VPS13B: variants seen among roughly 807,000 people sequenced by gnomAD.
VPS13B encodes the protein vacuolar protein sorting 13 homolog B.
A neutral mutation model predicts 426.4 loss-of-function variants in VPS13B; 285 were observed. The observed-to-expected ratio is 0.67, with a 90% confidence interval of 0.61 to 0.74. The LOEUF is 0.74. VPS13B is among the 30% of genes least tolerant of loss of function. The pLI is 0.00. For missense variants in VPS13B, 4,537 were observed against 4,782.6 expected (o/e 0.95, Z 1.51); for synonymous variants, 1,676 against 1,676.4 (o/e 1.00, Z 0.01).
At chr8:99,829,786 G>C (rs1170122590) in intron 51 of VPS13B, among the ~76,000 whole-genome samples, 4 of 152,176 alleles carry the variant, frequency 2.6e-5, no homozygotes, top group African/African-American at 9.7e-5. Flanking sequence ...TTTTTGCGTA[G>C]TTGTCCTTTT....
chr8:99,560,410 T>C (rs1307533867), intron 31 of VPS13B, among the ~76,000 whole-genome samples: 1 of 152,166 alleles, frequency 6.6e-6, no homozygotes, highest in African/African-American at 2.4e-5. Context: ...CATTTGTGTG[T>C]GCTCCTATCA....
intron 19 of VPS13B, among the ~76,000 whole-genome samples, chr8:99,339,263 TATAAAGA>T (rs1405591983): frequency 1.2e-3 from 190 of 152,218 alleles, no homozygotes; most frequent in African/African-American, 4.4e-3. Context: ...CTGGGTAACT[TATAAAGA>T]ATAGAGGTTT....
In VPS13B at chr8:99,766,859, G is replaced by T. The variant is rs1373068816; in HGVS notation, c.7136G>T (p.Cys2379Phe). ...TTTAATCTGTCTGAAAGCAAAGTTTGTGAACTGCAGTTGCCGGATATCAAT... is the reference window on the plus strand; with the variant it reads ...TTTAATCTGTCTGAAAGCAAAGTTTTTGAACTGCAGTTGCCGGATATCAAT... ...REFNLSESKV[C>F]ELQLPDINLV... The change falls in exon 40 of 62, where the codon TGT becomes TTT. Residue 2379 changes from cysteine (C) to phenylalanine (F), a missense_variant. By Grantham distance (205) the Cys-to-Phe change is radical. Transcript: ENST00000357162. The T allele has an allele frequency of 3.7e-6, 6 of 1,614,004 alleles. No individual in the cohort carries two copies. The highest frequency in any genetic ancestry group is 5.1e-6 in the Non-Finnish European group (6 of 1,179,954).
intron 29 of VPS13B, among the ~76,000 whole-genome samples, chr8:99,512,034 A>T (rs1324008343): frequency 6.6e-6 from 1 of 152,238 alleles, no homozygotes; most frequent in Non-Finnish European, 1.5e-5. Context: ...TTCTTAGCAT[A>T]TCATTTTTGT....
intron 17 of VPS13B, among the ~76,000 whole-genome samples, chr8:99,220,856 T>C (rs1226156103): frequency 8.1e-6 from 1 of 123,758 alleles, no homozygotes; most frequent in Non-Finnish European, 1.7e-5. Flanking sequence ...GTTACATATG[T>C]ATACATGTGC....
chr8:99,429,295 A>G (rs556476595), intron 21 of VPS13B, among the ~76,000 whole-genome samples: 2 of 152,262 alleles, frequency 1.3e-5, no homozygotes, highest in East Asian at 1.9e-4. Context: ...AAAAAAAAAA[A>G]AAAGAAAAAG....
chr8:99,478,447 G>GTTTTGTTTTTTTTTTTTTTTTTT (rs1819822769), intron 24 of VPS13B, among the ~76,000 whole-genome samples: 2 of 85,778 alleles, frequency 2.3e-5, no homozygotes, highest in Non-Finnish European at 4.2e-5. Flanking sequence ...TTTTTGTTTT[G>GTTTTGTTTTTTTTTTTTTTTTTT]TTTTTTTTTT....
chr8:99,078,691 G>T (rs1188960419), intron 3 of VPS13B, among the ~76,000 whole-genome samples: 2 of 152,104 alleles, frequency 1.3e-5, no homozygotes, highest in Non-Finnish European at 2.9e-5. Flanking sequence ...TGGTGAGTCT[G>T]GTGGGTCCTC....
In VPS13B at chr8:99,167,715, A is replaced by G. The variant is rs558319068; in HGVS notation, c.2209-2324A>G. Among the ~76,000 whole-genome samples the G allele has an allele frequency of 2.6e-5, 4 of 152,194 alleles. No homozygotes were observed. The South Asian group carries it at 8.3e-4, about 32-fold the overall frequency. On this transcript the variant is annotated intron_variant, in intron 15 of 61. Coordinates refer to ENST00000357162, the MANE Select transcript of VPS13B (RefSeq NM_152564.5). ...GATGTATTCATTTTTGTTATTTACT[A>G]ATTGGGATTTTTAAAAACAGGTGGC... is the stretch of plus-strand genomic sequence containing the variant.
At chr8:99,594,227 G>A (rs1826873107) in intron 33 of VPS13B, among the ~76,000 whole-genome samples, 2 of 151,932 alleles carry the variant, frequency 1.3e-5, no homozygotes, top group African/African-American at 4.8e-5. Context: ...TCAAGAACTT[G>A]AGCTTTGTTG....
intron 30 of VPS13B, among the ~76,000 whole-genome samples, chr8:99,525,611 G>A (rs1822601721): frequency 1.3e-5 from 2 of 152,122 alleles, no homozygotes; most frequent in South Asian, 4.1e-4. Flanking sequence ...TTATTTTGAG[G>A]GAGGCTACTG....
chr8:99,273,013 C>T (rs1300320734), intron 17 of VPS13B, among the ~76,000 whole-genome samples: 2 of 152,078 alleles, frequency 1.3e-5, no homozygotes, highest in Non-Finnish European at 2.9e-5. Context: ...GTATATAATA[C>T]AAATATTCCA....
chr8:99,324,012 G>A (rs1810115611), intron 19 of VPS13B, among the ~76,000 whole-genome samples: 1 of 152,148 alleles, frequency 6.6e-6, no homozygotes, highest in Admixed American at 6.6e-5. Context: ...AGTAATGAAT[G>A]CAGGCTGAGT....
intron 33 of VPS13B, among the ~76,000 whole-genome samples, chr8:99,633,528 A>G (rs1828935700): frequency 6.6e-6 from 1 of 151,996 alleles, no homozygotes. Context: ...TCTATGAAAA[A>G]CAGACTCCAA....
intron 19 of VPS13B, among the ~76,000 whole-genome samples, chr8:99,341,944 T>C (rs1212363331): frequency 6.6e-6 from 1 of 152,196 alleles, no homozygotes; most frequent in East Asian, 1.9e-4. Flanking sequence ...TGGGAGAGTT[T>C]TCCATTTTGA....
At chr8:99,589,237 G>C (rs991206759) in intron 33 of VPS13B, among the ~76,000 whole-genome samples, 2 of 151,472 alleles carry the variant, frequency 1.3e-5, no homozygotes, top group Non-Finnish European at 2.9e-5. Context: ...TAAGTTTTAG[G>C]GTACATGTGC....
rs1160761641 is a variant in VPS13B at position 99,861,725 on chromosome 8, G to T, written c.11045-51G>T. On this transcript the variant is annotated intron_variant, in intron 57 of 61. Transcript: ENST00000357162. ...CTGCCTCTGAAACTACTGCCTTGGGGTCCATCATGTATGCGACAAGGAGGC... is the reference window on the plus strand; with the variant it reads ...CTGCCTCTGAAACTACTGCCTTGGGTTCCATCATGTATGCGACAAGGAGGC... 6 of 1,559,606 alleles carry T rather than the reference G, an allele frequency of 3.8e-6. No individual in the cohort carries two copies. In the South Asian group the frequency reaches 7.1e-5, roughly 18 times the overall value.
chr8:99,074,298 C>T (rs908989243), intron 3 of VPS13B, among the ~76,000 whole-genome samples: 1 of 151,994 alleles, frequency 6.6e-6, no homozygotes, highest in African/African-American at 2.4e-5. Flanking sequence ...GCATTTTTAG[C>T]ACCAATTAGA....
chr8:99,071,785 A>G (rs1368170946), intron 3 of VPS13B, among the ~76,000 whole-genome samples: 2 of 152,204 alleles, frequency 1.3e-5, no homozygotes, highest in South Asian at 2.1e-4. Flanking sequence ...CACCCAAGCC[A>G]CAAGACAAAG....
Sources: allele counts gnomAD v4.1 joint callset (sites outside exome capture counted in the v4.1 genomes callset), GRCh38; gene constraint gnomAD v4.1.1; transcripts MANE v1.5; gene names NCBI Gene and HGNC (gene_info 2026-07-23, HGNC 2026-07-21).